The following PRKG1 variants were observed in gnomAD, a reference collection of about 807,000 sequenced individuals.
PRKG1 encodes protein kinase cGMP-dependent 1.
Under a neutral mutation model 88.1 loss-of-function variants are expected in PRKG1, and 35 were observed. The observed-to-expected ratio is 0.40, with a 90% confidence interval of 0.30 to 0.53. The LOEUF is 0.53. Among genes scored for constraint, PRKG1 ranks in the 20% least tolerant of loss-of-function variants. The pLI, the probability that PRKG1 is intolerant of heterozygous loss-of-function variation, is 0.59. For missense variants in PRKG1, 540 were observed against 839.8 expected (o/e 0.64, Z 4.41); for synonymous variants, 303 against 292.5 (o/e 1.04, Z -0.37).
At chr10:52,133,151 C>G (rs779861699) in intron 7 of PRKG1, among the ~76,000 whole-genome samples, 3 of 151,980 alleles carry the variant, frequency 2.0e-5, no homozygotes, top group Non-Finnish European at 4.4e-5. Context: ...ATCAAATCCA[C>G]CTTTAACTAC....
intron 3 of PRKG1, among the ~76,000 whole-genome samples, chr10:51,749,485 A>G (rs1214280924): frequency 1.3e-5 from 2 of 152,032 alleles, no homozygotes; most frequent in African/African-American, 4.8e-5. Flanking sequence ...CTCTTCTTAT[A>G]AGGCCATGAA....
At chr10:52,055,908 G>C (rs1038177717) in intron 6 of PRKG1, among the ~76,000 whole-genome samples, 1 of 152,112 alleles carries the variant, frequency 6.6e-6, no homozygotes, top group Non-Finnish European at 1.5e-5. Flanking sequence ...AAGTATTGTT[G>C]AATCACAATT....
intron 1 of PRKG1, among the ~76,000 whole-genome samples, chr10:51,143,592 A>G (rs541559662): frequency 2.0e-5 from 3 of 152,050 alleles, no homozygotes; most frequent in Non-Finnish European, 4.4e-5. Context: ...TCTCACCAAC[A>G]GTGTGTAAGG....
chr10:51,495,466 G>T (rs1377509320), intron 3 of PRKG1, among the ~76,000 whole-genome samples: 1 of 152,138 alleles, frequency 6.6e-6, no homozygotes, highest in Non-Finnish European at 1.5e-5. Context: ...CCTCATTTCA[G>T]ATTTGGATTA....
chr10:52,199,367 A>G (rs535767533), intron 9 of PRKG1, among the ~76,000 whole-genome samples: 1 of 152,260 alleles, frequency 6.6e-6, no homozygotes, highest in Non-Finnish European at 1.5e-5. Flanking sequence ...CCTGAATCAA[A>G]CACATCTTCA....
At position 51,663,328 on chromosome 10, in the gene PRKG1, G is replaced by T. The variant is rs186608583; in HGVS notation, c.593-141257G>T. Among the ~76,000 whole-genome samples, 6 of 152,132 alleles carry T rather than the reference G, an allele frequency of 3.9e-5. No individual in the cohort carries two copies. The East Asian group carries it at 1.2e-3, about 30-fold the overall frequency. ...AAGAACTCACCAAGGCCAGTTTCCT[G>T]TTCTATACAGTTTCACATATGATTT... On this transcript the variant is annotated intron_variant, in intron 3 of 17. Transcript: ENST00000373980.
intron 3 of PRKG1, among the ~76,000 whole-genome samples, chr10:51,757,175 C>T (rs1008668827): frequency 6.6e-6 from 1 of 152,162 alleles, no homozygotes; most frequent in East Asian, 1.9e-4. Flanking sequence ...AGTCTCAGCT[C>T]ACTGCAACCT....
chr10:51,982,418 C>T (rs539162090), intron 5 of PRKG1, among the ~76,000 whole-genome samples: 14 of 152,270 alleles, frequency 9.2e-5, no homozygotes, highest in Non-Finnish European at 1.6e-4. Flanking sequence ...AGTTCTTGAG[C>T]TGGTTCTTTC....
At chr10:52,218,103 T>C (rs2132817897) in intron 9 of PRKG1, among the ~76,000 whole-genome samples, 1 of 150,256 alleles carries the variant, frequency 6.7e-6, no homozygotes, top group East Asian at 2.0e-4. Context: ...TCCCAGCTAC[T>C]CAGGAGGCTG....
chr10:51,317,118 A>G (rs529401957), intron 2 of PRKG1, among the ~76,000 whole-genome samples: 5 of 152,196 alleles, frequency 3.3e-5, no homozygotes, highest in African/African-American at 1.2e-4. Flanking sequence ...TCCTGCAGGT[A>G]TCACAGGGAC....
At chr10:52,167,139 G>T (rs1838500336) in intron 9 of PRKG1, among the ~76,000 whole-genome samples, 1 of 151,956 alleles carries the variant, frequency 6.6e-6, no homozygotes, top group Admixed American at 6.6e-5. Context: ...GGTTCTACAG[G>T]CTGTACAGGA....
At chr10:51,157,239 G>T (rs1846237705) in intron 2 of PRKG1, among the ~76,000 whole-genome samples, 1 of 151,844 alleles carries the variant, frequency 6.6e-6, no homozygotes, top group Non-Finnish European at 1.5e-5. Flanking sequence ...AATGAGTTGT[G>T]TTGCTTTCAG....
At chr10:51,519,153 A>G (rs1841670750) in intron 3 of PRKG1, among the ~76,000 whole-genome samples, 1 of 152,244 alleles carries the variant, frequency 6.6e-6, no homozygotes, top group South Asian at 2.1e-4. Context: ...TCATTTAACA[A>G]TGCATTTGAT....
chr10:52,070,824 T>G (rs1846478062), intron 7 of PRKG1, among the ~76,000 whole-genome samples: 1 of 152,176 alleles, frequency 6.6e-6, no homozygotes, highest in East Asian at 1.9e-4. Context: ...TAAAAGTAAT[T>G]TTAGAAGTTC....
intron 4 of PRKG1, among the ~76,000 whole-genome samples, chr10:51,843,618 T>C (rs955160463): frequency 6.6e-6 from 1 of 152,220 alleles, no homozygotes; most frequent in Non-Finnish European, 1.5e-5. Context: ...AAGTAACAGC[T>C]ATGCTCACTG....
chr10:51,645,143 C>T (rs967755091), intron 3 of PRKG1, among the ~76,000 whole-genome samples: 1 of 152,106 alleles, frequency 6.6e-6, no homozygotes, highest in Non-Finnish European at 1.5e-5. Flanking sequence ...GTTTCTAAGC[C>T]TCATTAACAC....
intron 7 of PRKG1, among the ~76,000 whole-genome samples, chr10:52,118,052 C>G (rs1847729831): frequency 6.6e-6 from 1 of 151,598 alleles, no homozygotes; most frequent in South Asian, 2.1e-4. Flanking sequence ...ATGTTATTTC[C>G]CAAAAGTATA....
chr10:51,795,579 G>A (rs371973294), intron 3 of PRKG1, among the ~76,000 whole-genome samples: 2 of 152,194 alleles, frequency 1.3e-5, no homozygotes, highest in African/African-American at 4.8e-5. Flanking sequence ...CCTTAATAAT[G>A]TTGGGAAGCA....
At chr10:51,436,579 A>G (rs1838938352) in intron 2 of PRKG1, among the ~76,000 whole-genome samples, 1 of 152,014 alleles carries the variant, frequency 6.6e-6, no homozygotes, top group Non-Finnish European at 1.5e-5. Flanking sequence ...ATGGCTCCTA[A>G]TGAGTTCTTA....
Sources: allele counts gnomAD v4.1 joint callset (sites outside exome capture counted in the v4.1 genomes callset), GRCh38; gene constraint gnomAD v4.1.1; transcripts MANE v1.5; gene names NCBI Gene and HGNC (gene_info 2026-07-23, HGNC 2026-07-21).